The following LATS1 variants were observed in gnomAD, a reference collection of about 807,000 sequenced individuals.
LATS1 encodes the protein large tumor suppressor kinase 1.
A neutral mutation model predicts 106.6 loss-of-function variants in LATS1; 25 were observed. The ratio of observed to expected loss-of-function variants is 0.23; its 90% CI spans 0.17 to 0.33. The LOEUF is 0.33. LATS1 is among the 10% of genes least tolerant of loss of function. The pLI is 1.00. For missense variants in LATS1, 1,040 were observed against 1,382.6 expected, an observed-to-expected ratio of 0.75 and a Z score of 3.93; for synonymous variants, 465 against 455.6, an observed-to-expected ratio of 1.02 and a Z score of -0.26.
In LATS1 at chr6:149,701,763, C is replaced by CT. The variant is rs780149538; in HGVS notation, c.348+15dup. ...AGGTAAGAAGAATCCTTTCTTTTGTCTTTAAACATTCTTACCTCATCAAAT... is the reference window on the plus strand; with the variant it reads ...AGGTAAGAAGAATCCTTTCTTTTGTCTTTTAAACATTCTTACCTCATCAAAT... On this transcript the variant is annotated intron_variant, in intron 2 of 7. Transcript: ENST00000543571. The CT allele has an allele frequency of 1.3e-6, 2 of 1,567,502 alleles. No homozygotes were observed. Among genetic ancestry groups the CT allele is most frequent in the East Asian group, 4.5e-5 (2 of 44,570 alleles).
chr6:149,664,518 C>T (rs962132073), intron 7 of LATS1, among the ~76,000 whole-genome samples: 2 of 152,138 alleles, frequency 1.3e-5, no homozygotes, highest in Admixed American at 1.3e-4. Flanking sequence ...GAGAAGAAAA[C>T]CCTAAAAGCA....
rs1031832934 is a variant in LATS1 at position 149,673,735 on chromosome 6, G to A, written c.2883+2525C>T. Among the ~76,000 whole-genome samples the A allele has an allele frequency of 5.3e-5, 8 of 149,938 alleles. No homozygotes were observed. The East Asian group carries it at 5.9e-4, about 11-fold the overall frequency. On this transcript the variant is annotated intron_variant, in intron 7 of 7. Coordinates refer to ENST00000543571, the MANE Select transcript of LATS1 (RefSeq NM_004690.4). ...GTCGCCCAGGCTGGAGTGCAATGGC[G>A]CGATCTCGGCTCACTGCAACCTCTG...
chr6:149,690,551 C>CTT (rs60856593), intron 3 of LATS1, among the ~76,000 whole-genome samples: 1 of 138,354 alleles, frequency 7.2e-6, no homozygotes, highest in African/African-American at 2.6e-5. Context: ...TTTTAACTTT[C>CTT]TTTTTTTTTT....
chr6:149,716,300 G>A (rs1784390302), intron 1 of LATS1: 2 of 152,154 alleles, frequency 1.3e-5, no homozygotes, highest in South Asian at 4.1e-4. Flanking sequence ...ATCCAGCGCA[G>A]GCAACATAGC....
intron 2 of LATS1, among the ~76,000 whole-genome samples, chr6:149,701,473 G>A (rs774839931): frequency 9.9e-5 from 15 of 152,108 alleles, no homozygotes; most frequent in Non-Finnish European, 2.1e-4. Flanking sequence ...ACAAACAGAT[G>A]TCCTTCCCCT....
intron 7 of LATS1, among the ~76,000 whole-genome samples, chr6:149,673,291 G>A (rs994744920): frequency 2.0e-5 from 3 of 151,458 alleles, no homozygotes; most frequent in African/African-American, 7.3e-5. Context: ...GTAGAGACAC[G>A]GTTGCGCCAT....
rs776007110 is a variant in LATS1 at position 149,695,127 on chromosome 6, C to T, written c.443G>A (p.Arg148Gln). The change falls in exon 3 of 8, where the codon CGA becomes CAA. Residue 148 changes from arginine to glutamine, a missense_variant. By Grantham distance (43) the Arg-to-Gln change is conservative. Coordinates refer to ENST00000543571, the MANE Select transcript of LATS1 (RefSeq NM_004690.4). ...GGCAGCTGCTGCAGCCATCTGCTCTCGTCGAGGATCTTGGTAACTCATTTT... is the reference window on the plus strand; with the variant it reads ...GGCAGCTGCTGCAGCCATCTGCTCTTGTCGAGGATCTTGGTAACTCATTTT... ...ISKMSYQDPR[R>Q]EQMAAAAARP... The T allele has an allele frequency of 1.2e-6, 2 of 1,613,092 alleles. No individual in the cohort carries two copies. The highest frequency in any genetic ancestry group is 1.7e-5 in the Admixed American group (1 of 59,870).
At position 149,683,242 on chromosome 6, in the gene LATS1, GT is replaced by G. The variant is rs1782156933; in HGVS notation, c.1846del (p.Thr616LeufsTer32). On this transcript the variant is annotated frameshift_variant, in exon 4 of 8. Transcript: ENST00000543571. LOFTEE classifies it high-confidence loss of function. ...EKKQITTSPI[T>X]VRKNKKDEER... Reference sequence around the variant, plus strand: ...TTCATCTTTCTTGTTTTTCCTAACAGTAATAGGTGAAGTTGTAATCTGTTTC... The same window carrying G: ...TTCATCTTTCTTGTTTTTCCTAACAGAATAGGTGAAGTTGTAATCTGTTTC... 6.2e-7 allele frequency: 1 copy of G among 1,613,772 alleles called. No individual in the cohort carries two copies. Among genetic ancestry groups the G allele is most frequent in the Non-Finnish European group, 8.5e-7 (1 of 1,179,910 alleles).
intron 7 of LATS1, among the ~76,000 whole-genome samples, chr6:149,674,358 G>A (rs1403966979): frequency 2.0e-5 from 3 of 151,354 alleles, no homozygotes; most frequent in Non-Finnish European, 2.9e-5. Flanking sequence ...TATAATAGGT[G>A]TGAGCCACCA....
rs9800736 is a variant in LATS1 at position 149,661,281 on chromosome 6, A to G, written c.*448T>C. 0.42 allele frequency: 96,467 copies of G among 232,362 alleles called. 21,725 individuals are homozygous for G. The highest frequency in any genetic ancestry group is 0.76 in the East Asian group (12,448 of 16,344). 14.4% of individuals were successfully genotyped at this position (232,362 alleles called of 1,614,324 possible). ...CTCTAGCTTATTTTCTACCAAAAAC[A>G]AGGTTATGAGGGGAAAAAAGAGCTC... On this transcript the variant is annotated 3_prime_UTR_variant, in exon 8 of 8. Coordinates refer to ENST00000543571, the MANE Select transcript of LATS1 (RefSeq NM_004690.4).
intron 3 of LATS1, among the ~76,000 whole-genome samples, chr6:149,687,911 T>C (rs1782495768): frequency 6.8e-6 from 1 of 147,368 alleles, no homozygotes; most frequent in African/African-American, 2.5e-5. Context: ...TCTCGCTCTG[T>C]CGCCCAGGCT....
chr6:149,671,193 G>C lies in LATS1; in HGVS notation c.2883+5067C>G, dbSNP rs188639718. On this transcript the variant is annotated intron_variant, in intron 7 of 7. Transcript: ENST00000543571. ...TGTCATCCCAGGCTGGAGTGCAGTG[G>C]CATGATCTTGGCTCACTGCAAGCTC... Among the ~76,000 whole-genome samples, 7 of 151,994 alleles carry C rather than the reference G, an allele frequency of 4.6e-5. No homozygotes were observed. In the East Asian group the frequency reaches 1.3e-3, roughly 29 times the overall value.
chr6:149,708,303 T>C (rs1297681528), intron 1 of LATS1, among the ~76,000 whole-genome samples: 2 of 151,474 alleles, frequency 1.3e-5, no homozygotes, highest in Non-Finnish European at 2.9e-5. Flanking sequence ...TAGTCCCAGC[T>C]ACTCGGAAGG....
At chr6:149,715,885 G>A (rs1192730658) in intron 1 of LATS1, among the ~76,000 whole-genome samples, 1 of 152,026 alleles carries the variant, frequency 6.6e-6, no homozygotes, top group African/African-American at 2.4e-5. Context: ...ATTCTTCAAA[G>A]CAAAACTGCT....
At position 149,702,183 on chromosome 6, in the gene LATS1, G is replaced by A. The variant is rs1421641398; in HGVS notation, c.-57C>T. 8.5e-7 allele frequency: 1 copy of A among 1,175,474 alleles called. No homozygotes were observed. The highest frequency in any genetic ancestry group is 1.2e-6 in the Non-Finnish European group (1 of 825,828). 72.8% of individuals were successfully genotyped at this position (1,175,474 alleles called of 1,614,324 possible). On this transcript the variant is annotated 5_prime_UTR_variant, in exon 2 of 8. Transcript: ENST00000543571. ...GACTTCTTTATTTGATAGATCCAGA[G>A]CTTTCTTCTGAGCAAAAGTGAAAAT...
intron 1 of LATS1, among the ~76,000 whole-genome samples, chr6:149,712,771 A>C (rs919849989): frequency 6.6e-6 from 1 of 152,080 alleles, no homozygotes; most frequent in Non-Finnish European, 1.5e-5. Context: ...AGGTGGGCGG[A>C]TCTCTTGAGC....
At chr6:149,692,416 C>T (rs1231030947) in intron 3 of LATS1, among the ~76,000 whole-genome samples, 3 of 151,740 alleles carry the variant, frequency 2.0e-5, no homozygotes, top group African/African-American at 4.8e-5. Flanking sequence ...CTTCTTGATG[C>T]GGTTAAAAAA....
At chr6:149,676,081 G>C in intron 7 of LATS1, 179 bp downstream of exon 7, 1 of 563,618 alleles carries the variant, frequency 1.8e-6, no homozygotes, top group Non-Finnish European at 3.2e-6. Flanking sequence ...TGAACTCCTA[G>C]GCTCAAGCAA....
chr6:149,718,056 C>T lies in LATS1; in HGVS notation c.-348G>A. Reference sequence around the variant, plus strand: ...TAACACCAGGCCACCGCCGCCGCCGCCGCCATTTTGCCTTCCACTCAGTGT... The same window carrying T: ...TAACACCAGGCCACCGCCGCCGCCGTCGCCATTTTGCCTTCCACTCAGTGT... On this transcript the variant is annotated 5_prime_UTR_variant, in exon 1 of 8. Coordinates refer to ENST00000543571, the MANE Select transcript of LATS1 (RefSeq NM_004690.4). 1 of 326,858 alleles carries T rather than the reference C, an allele frequency of 3.1e-6. No homozygotes were observed. Among genetic ancestry groups the T allele is most frequent in the South Asian group, 2.1e-5 (1 of 47,698 alleles). The allele number at this position is 326,858 out of a possible 1,614,324, so 20.2% of individuals were successfully genotyped here.
Sources: allele counts gnomAD v4.1 joint callset (sites outside exome capture counted in the v4.1 genomes callset), GRCh38; gene constraint gnomAD v4.1.1; transcripts MANE v1.5; gene names NCBI Gene and HGNC (gene_info 2026-07-23, HGNC 2026-07-21).